LNX1: variants seen among roughly 807,000 people sequenced by gnomAD.
LNX1 encodes the protein E3 ubiquitin-protein ligase LNX.
LNX1 carries 54 observed loss-of-function variants against 68.4 expected under a neutral mutation model. That is an observed-to-expected ratio of 0.79 (90% CI 0.63 to 0.99). The LOEUF (loss-of-function observed/expected upper bound fraction) is 0.99, where lower values mean the gene tolerates loss of function less well. Ranked by LOEUF, LNX1 falls within the 50% of genes least tolerant of loss-of-function variation. The pLI, the probability that LNX1 is intolerant of heterozygous loss-of-function variation, is 0.00. For missense variants in LNX1, 906 were observed against 926.4 expected (o/e 0.98, Z 0.29); for synonymous variants, 336 against 350.0 (o/e 0.96, Z 0.45).
intron 1 of LNX1, among the ~76,000 whole-genome samples, chr4:53,638,578 C>T (rs1734564946): frequency 1.3e-5 from 2 of 152,156 alleles, no homozygotes; most frequent in African/African-American, 4.8e-5. Context: ...TTGCAGACTA[C>T]TTAGTGCCCC....
chr4:53,548,291 G>T (rs908839266), intron 2 of LNX1, among the ~76,000 whole-genome samples: 1 of 152,120 alleles, frequency 6.6e-6, no homozygotes, highest in Non-Finnish European at 1.5e-5. Context: ...CTTTGAAGAA[G>T]TTGTTTTACC....
upstream of LNX1, among the ~76,000 whole-genome samples, chr4:53,592,801 C>T (rs1318814431): frequency 6.6e-6 from 1 of 152,052 alleles, no homozygotes; most frequent in Non-Finnish European, 1.5e-5. Flanking sequence ...GTCCGGATTC[C>T]CACAGCCTGG....
At chr4:53,560,616 T>C (rs1730216897) in intron 2 of LNX1, among the ~76,000 whole-genome samples, 1 of 152,196 alleles carries the variant, frequency 6.6e-6, no homozygotes, top group Non-Finnish European at 1.5e-5. Flanking sequence ...ATTGGCACAT[T>C]GTATTTTTCC....
chr4:53,545,224 A>C (rs551716719), intron 2 of LNX1, among the ~76,000 whole-genome samples: 11 of 152,358 alleles, frequency 7.2e-5, no homozygotes, highest in South Asian at 2.1e-4. Context: ...GAAAATAGTT[A>C]TACAAACTAG....
At chr4:53,534,871 G>A (rs889352814) in intron 2 of LNX1, among the ~76,000 whole-genome samples, 1 of 152,038 alleles carries the variant, frequency 6.6e-6, no homozygotes, top group African/African-American at 2.4e-5. Flanking sequence ...CTTGCCCATA[G>A]TAATGGTTGA....
chr4:53,598,008 C>T (rs189997774), intron 2 of LNX1, among the ~76,000 whole-genome samples: 1 of 152,282 alleles, frequency 6.6e-6, no homozygotes, highest in East Asian at 1.9e-4. Context: ...TAACTACAAA[C>T]AGGTGAAGAG....
intron 2 of LNX1, among the ~76,000 whole-genome samples, chr4:53,565,871 CG>C (rs1298092177): frequency 6.6e-6 from 1 of 151,246 alleles, no homozygotes; most frequent in Non-Finnish European, 1.5e-5. Flanking sequence ...CAGGAGCCGA[CG>C]TGATCAACTG....
At chr4:53,461,261 T>TGGG (rs1028572538) in intron 10 of LNX1, among the ~76,000 whole-genome samples, 174 bp downstream of exon 10, 6 of 152,146 alleles carry the variant, frequency 3.9e-5, no homozygotes, top group Admixed American at 6.6e-5. Context: ...AGTTGTAGTA[T>TGGG]GGGACCAAGA....
chr4:53,553,660 T>C (rs1030251809), intron 2 of LNX1, among the ~76,000 whole-genome samples: 10 of 152,112 alleles, frequency 6.6e-5, no homozygotes, highest in African/African-American at 2.4e-4. Flanking sequence ...GGTCTGCGGA[T>C]GAGGGCATGT....
At chr4:53,560,333 A>T (rs1339331037) in intron 2 of LNX1, among the ~76,000 whole-genome samples, 7 of 152,226 alleles carry the variant, frequency 4.6e-5, no homozygotes. Flanking sequence ...TTTAAAGGGG[A>T]TGAAATTAAT....
intron 1 of LNX1, chr4:53,652,027 G>GAA: frequency 1.6e-5 from 1 of 61,958 alleles, no homozygotes; most frequent in South Asian, 4.8e-4. Context: ...GTGTGAGAGA[G>GAA]AGAGAGAGAG....
chr4:53,567,605 C>A (rs915469550), intron 2 of LNX1, among the ~76,000 whole-genome samples: 2 of 151,814 alleles, frequency 1.3e-5, no homozygotes, highest in African/African-American at 4.8e-5. Flanking sequence ...CAAGAGCAAA[C>A]ACATTCCAAA....
chr4:53,609,638 A>T (rs1250418565), intron 2 of LNX1, among the ~76,000 whole-genome samples: 1 of 145,592 alleles, frequency 6.9e-6, no homozygotes, highest in Non-Finnish European at 1.5e-5. Flanking sequence ...ATATATAATT[A>T]TACTATTTAT....
intron 8 of LNX1, 84 bp downstream of exon 8, chr4:53,478,481 T>G: frequency 1.6e-6 from 2 of 1,234,396 alleles, no homozygotes; most frequent in Non-Finnish European, 2.3e-6. Context: ...CTCTCATTAA[T>G]TTTGAAAATA....
In LNX1 at chr4:53,573,863, G is replaced by T. The variant is rs369415881; in HGVS notation, c.140C>A (p.Ala47Asp). ...CGGAGTGTCCAGGGGGTCCAGCAAA[G>T]CCTGCAGGCAGATGTGGCAGATGAG... Reference protein sequence around the residue: ...DDLICHICLQALLDPLDTPCG... With the variant: ...DDLICHICLQDLLDPLDTPCG... Residue 47 changes from alanine to aspartate, a missense_variant, in exon 2 of 11, where the codon GCT becomes GAT. Ala to Asp is a moderately radical substitution (Grantham distance 126). Coordinates refer to ENST00000263925, the MANE Select transcript of LNX1 (RefSeq NM_001126328.3). The T allele has an allele frequency of 7.4e-6, 12 of 1,613,722 alleles. No homozygotes were observed. Among genetic ancestry groups the T allele is most frequent in the Non-Finnish European group, 1.0e-5 (12 of 1,179,850 alleles).
intron 2 of LNX1, among the ~76,000 whole-genome samples, chr4:53,529,093 G>A (rs1411840213): frequency 1.4e-5 from 1 of 69,280 alleles, no homozygotes; most frequent in African/African-American, 3.9e-5. Flanking sequence ...CAGCTTAAGA[G>A]TCCTGACCAA....
At chr4:53,652,236 C>A (rs1448476344) in exon 1 of LNX1, 1 of 152,196 alleles carries the variant, frequency 6.6e-6, no homozygotes, top group Non-Finnish European at 1.5e-5. Flanking sequence ...GAGAGCTGAG[C>A]TTTTCTGGCT....
chr4:53,547,585 C>T (rs1729196535), intron 2 of LNX1, among the ~76,000 whole-genome samples: 1 of 152,060 alleles, frequency 6.6e-6, no homozygotes, highest in Non-Finnish European at 1.5e-5. Flanking sequence ...GGTCCCTGAC[C>T]TCTCCCTCCC....
intron 9 of LNX1, among the ~76,000 whole-genome samples, chr4:53,473,742 CA>C (rs934281858): frequency 1.3e-5 from 2 of 152,132 alleles, no homozygotes; most frequent in Non-Finnish European, 2.9e-5. Flanking sequence ...ATCTGTACAA[CA>C]AACCCCTGTG....
Sources: gnomAD v4.1 joint callset for allele counts (sites outside exome capture counted in the v4.1 genomes callset) on GRCh38, gnomAD v4.1.1 for gene constraint, MANE v1.5 for transcripts, NCBI Gene and HGNC (gene_info 2026-07-23, HGNC 2026-07-21) for gene names.